Variants in KCNQ3 observed in about 807,000 individuals in gnomAD.
The protein encoded by KCNQ3 is potassium voltage-gated channel subfamily KQT member 3.
KCNQ3 carries 30 observed loss-of-function variants against 92.5 expected under a neutral mutation model. That is an observed-to-expected ratio of 0.32 (90% CI 0.24 to 0.44). The LOEUF (loss-of-function observed/expected upper bound fraction) is 0.44, where lower values mean the gene tolerates loss of function less well. KCNQ3 is among the 20% of genes least tolerant of loss of function. The pLI, the probability that KCNQ3 is intolerant of heterozygous loss-of-function variation, is 1.00. For synonymous variants in KCNQ3, 450 were observed against 468.8 expected, an observed-to-expected ratio of 0.96 and a Z score of 0.52; for missense variants, 913 against 1,140.3, an observed-to-expected ratio of 0.80 and a Z score of 2.87.
intron 1 of KCNQ3, among the ~76,000 whole-genome samples, chr8:132,397,616 G>A (rs998333357): frequency 6.6e-6 from 1 of 152,250 alleles, no homozygotes; most frequent in Non-Finnish European, 1.5e-5. Context: ...CATCAGCTAT[G>A]AATTTAAACA....
intron 1 of KCNQ3, among the ~76,000 whole-genome samples, chr8:132,398,360 A>AT (rs1411637746): frequency 6.6e-6 from 1 of 152,024 alleles, no homozygotes; most frequent in Non-Finnish European, 1.5e-5. Flanking sequence ...TATTTTATAT[A>AT]TTTTTTGAAA....
intron 1 of KCNQ3, among the ~76,000 whole-genome samples, chr8:132,431,909 G>A (rs550553042): frequency 9.9e-5 from 15 of 152,264 alleles, no homozygotes; most frequent in Non-Finnish European, 1.5e-4. Flanking sequence ...GGGTCCGGGG[G>A]CCTGGATTCA....
Position 132,124,697 on chromosome 8 carries a change from A to G in KCNQ3, c.*4565T>C, listed in dbSNP as rs1824607324. 1 of 152,250 alleles carries G rather than the reference A, an allele frequency of 6.6e-6. No individual in the cohort carries two copies. The highest frequency in any genetic ancestry group is 2.4e-5 in the African/African-American group (1 of 41,468). 9.4% of individuals were successfully genotyped at this position (152,250 alleles called of 1,614,324 possible). ...TAGCATTGGGTTGATTTGAATATAAACAACTTAGACTTTAAAAGTTCATCC... is the reference window on the plus strand; with the variant it reads ...TAGCATTGGGTTGATTTGAATATAAGCAACTTAGACTTTAAAAGTTCATCC... On this transcript the variant is annotated 3_prime_UTR_variant, in exon 15 of 15. Coordinates refer to ENST00000388996, the MANE Select transcript of KCNQ3 (RefSeq NM_004519.4).
intron 8 of KCNQ3, 69 bp from the exon 9 acceptor site, chr8:132,163,563 A>G: frequency 7.9e-7 from 1 of 1,273,660 alleles, no homozygotes; most frequent in Non-Finnish European, 1.1e-6. Context: ...TCCTCGAAAG[A>G]TTGCTGCAAA....
intron 1 of KCNQ3, among the ~76,000 whole-genome samples, chr8:132,407,839 A>G (rs2130793244): frequency 6.6e-6 from 1 of 152,290 alleles, no homozygotes; most frequent in East Asian, 1.9e-4. Context: ...CATGCTCTCC[A>G]GGTCACTGAT....
chr8:132,338,848 C>A (rs993857915), intron 1 of KCNQ3, among the ~76,000 whole-genome samples: 1 of 152,208 alleles, frequency 6.6e-6, no homozygotes, highest in Non-Finnish European at 1.5e-5. Context: ...GATATGTGAA[C>A]TCCAAGACCT....
At chr8:132,327,515 C>A (rs1156852572) in intron 1 of KCNQ3, among the ~76,000 whole-genome samples, 1 of 152,120 alleles carries the variant, frequency 6.6e-6, no homozygotes, top group Admixed American at 6.5e-5. Flanking sequence ...CTGGCTCTGG[C>A]TTTTGGGGTT....
At chr8:132,239,776 C>T (rs1321579753) in intron 1 of KCNQ3, among the ~76,000 whole-genome samples, 2 of 152,148 alleles carry the variant, frequency 1.3e-5, no homozygotes, top group African/African-American at 4.8e-5. Context: ...AGCTGTATCC[C>T]ACGATAGTTG....
intron 1 of KCNQ3, among the ~76,000 whole-genome samples, chr8:132,242,658 C>T (rs1039549922): frequency 6.6e-6 from 1 of 152,208 alleles, no homozygotes; most frequent in Non-Finnish European, 1.5e-5. Context: ...ATTTCATTCA[C>T]TGCTGTATCT....
At chr8:132,252,065 G>A (rs904414288) in intron 1 of KCNQ3, among the ~76,000 whole-genome samples, 6 of 152,122 alleles carry the variant, frequency 3.9e-5, no homozygotes, top group Non-Finnish European at 5.9e-5. Context: ...GGAGGATCAT[G>A]GCCACTATGT....
Position 132,191,520 on chromosome 8 carries a change from C to CTA in KCNQ3, c.387-5340_387-5339insTA, listed in dbSNP as rs201292844. ...CACATACATATATATGTATCTCTCT[C>CTA]TCTATATATATATATAATATATGGA... On this transcript the variant is annotated intron_variant, in intron 1 of 14. Transcript: ENST00000388996. 1.4e-3 allele frequency among the ~76,000 whole-genome samples: 214 copies of CTA among 150,460 alleles called. 1 individual carries two copies. The highest frequency in any genetic ancestry group is 4.8e-3 in the African/African-American group (198 of 41,020).
At chr8:132,380,914 A>C (rs1233274521) in intron 1 of KCNQ3, among the ~76,000 whole-genome samples, 3 of 147,726 alleles carry the variant, frequency 2.0e-5, no homozygotes, top group Admixed American at 6.8e-5. Context: ...CTTTCTACAG[A>C]AAAAGAAATG....
intron 1 of KCNQ3, among the ~76,000 whole-genome samples, chr8:132,344,285 T>G (rs7003125): frequency 1.3e-3 from 191 of 152,332 alleles, no homozygotes; most frequent in African/African-American, 4.3e-3. Flanking sequence ...TTAACATCTT[T>G]CCCAGTGATT....
intron 1 of KCNQ3, among the ~76,000 whole-genome samples, chr8:132,432,470 C>T (rs1821279140): frequency 6.6e-6 from 1 of 151,972 alleles, no homozygotes; most frequent in Admixed American, 6.6e-5. Context: ...TAAAGTTGAA[C>T]ACTCTGGGTT....
intron 8 of KCNQ3, among the ~76,000 whole-genome samples, chr8:132,168,060 C>T (rs1826192310): frequency 6.6e-6 from 1 of 152,156 alleles, no homozygotes; most frequent in Non-Finnish European, 1.5e-5. Context: ...TAAGTATACC[C>T]AAACTTTCCC....
At chr8:132,388,537 A>G (rs1819960045) in intron 1 of KCNQ3, among the ~76,000 whole-genome samples, 1 of 152,210 alleles carries the variant, frequency 6.6e-6, no homozygotes, top group Non-Finnish European at 1.5e-5. Context: ...AAAACAGTTG[A>G]GGGCTATACT....
intron 1 of KCNQ3, among the ~76,000 whole-genome samples, chr8:132,294,554 T>C (rs2100644): frequency 0.52 from 79,774 of 151,980 alleles, 22,578 homozygotes; most frequent in East Asian, 0.82. Context: ...TGGGAGATTT[T>C]GAGATTTACT....
chr8:132,375,866 A>T (rs1341408717), intron 1 of KCNQ3, among the ~76,000 whole-genome samples: 9 of 152,094 alleles, frequency 5.9e-5, no homozygotes, highest in African/African-American at 1.9e-4. Context: ...ATGCTCACCT[A>T]TGCTCACCTT....
chr8:132,274,731 T>C (rs4736412), intron 1 of KCNQ3, among the ~76,000 whole-genome samples: 16,115 of 152,222 alleles, frequency 0.11, 960 homozygotes, highest in South Asian at 0.17. Context: ...TGTCAACACA[T>C]AAATAAGTGA....
Sources: gnomAD v4.1 joint callset for allele counts (sites outside exome capture counted in the v4.1 genomes callset) on GRCh38, gnomAD v4.1.1 for gene constraint, MANE v1.5 for transcripts, NCBI Gene and HGNC (gene_info 2026-07-23, HGNC 2026-07-21) for gene names.